The following LRRTM4 variants were observed in gnomAD, a reference collection of about 807,000 sequenced individuals.
The protein encoded by LRRTM4 is leucine-rich repeat transmembrane neuronal protein 4.
Under a neutral mutation model 47.6 loss-of-function variants are expected in LRRTM4, and 25 were observed. The ratio of observed to expected loss-of-function variants is 0.53; its 90% CI spans 0.38 to 0.73. The LOEUF is 0.73. Among genes scored for constraint, LRRTM4 ranks in the 30% least tolerant of loss-of-function variants. The probability of loss-of-function intolerance (pLI) is 0.00; values close to 1 mark genes in which losing one functional copy is unlikely to be tolerated. For synonymous variants in LRRTM4, 311 were observed against 269.5 expected (o/e 1.15, Z -1.51); for missense variants, 638 against 713.4 (o/e 0.89, Z 1.20).
At chr2:77,067,745 C>T (rs1479654857) in intron 3 of LRRTM4, among the ~76,000 whole-genome samples, 3 of 143,092 alleles carry the variant, frequency 2.1e-5, no homozygotes, top group South Asian at 2.2e-4. Flanking sequence ...ATGAAGAAAA[C>T]GGAAGTCACA....
At chr2:76,811,187 G>A (rs1670721290) in intron 3 of LRRTM4, among the ~76,000 whole-genome samples, 1 of 152,116 alleles carries the variant, frequency 6.6e-6, no homozygotes, top group Non-Finnish European at 1.5e-5. Flanking sequence ...TGCTGCAAAA[G>A]GTTATTACTA....
At chr2:76,758,973 TACAA>T (rs1287381196) in intron 3 of LRRTM4, among the ~76,000 whole-genome samples, 1 of 152,190 alleles carries the variant, frequency 6.6e-6, no homozygotes, top group East Asian at 1.9e-4. Flanking sequence ...CATAAAACTT[TACAA>T]ACAGTGACTT....
At chr2:77,082,663 C>G (rs535323196) in intron 3 of LRRTM4, among the ~76,000 whole-genome samples, 1 of 148,970 alleles carries the variant, frequency 6.7e-6, no homozygotes, top group African/African-American at 2.5e-5. Context: ...GAATTTATCT[C>G]GCTAGTTAAA....
At chr2:77,114,650 G>A (rs1199116668) in intron 3 of LRRTM4, among the ~76,000 whole-genome samples, 2 of 152,052 alleles carry the variant, frequency 1.3e-5, no homozygotes, top group Non-Finnish European at 2.9e-5. Flanking sequence ...CCTAAGTGTC[G>A]GCCAGTCTGA....
intron 3 of LRRTM4, among the ~76,000 whole-genome samples, chr2:76,850,571 C>T (rs2103970106): frequency 6.6e-6 from 1 of 152,100 alleles, no homozygotes; most frequent in East Asian, 1.9e-4. Flanking sequence ...GATATAAGAG[C>T]GATTGAGAAA....
intron 3 of LRRTM4, among the ~76,000 whole-genome samples, chr2:77,447,795 C>T (rs2103944553): frequency 6.6e-6 from 1 of 152,188 alleles, no homozygotes; most frequent in East Asian, 1.9e-4. Flanking sequence ...TTTTTCAGAA[C>T]ACATATGGCA....
chr2:77,117,391 T>C (rs1671415842), intron 3 of LRRTM4, among the ~76,000 whole-genome samples: 1 of 151,992 alleles, frequency 6.6e-6, no homozygotes, highest in African/African-American at 2.4e-5. Context: ...TATGAATATA[T>C]GGTATATACC....
At chr2:76,976,426 C>G (rs1449882893) in intron 3 of LRRTM4, among the ~76,000 whole-genome samples, 1 of 151,128 alleles carries the variant, frequency 6.6e-6, no homozygotes, top group Non-Finnish European at 1.5e-5. Context: ...AAAAATAAAC[C>G]AAAACCACAT....
In LRRTM4 at chr2:77,444,958, C is replaced by CACACACACAA. The variant is rs1553445536; in HGVS notation, c.1551+73359_1551+73360insTTGTGTGTGT. Among the ~76,000 whole-genome samples, 372 of 143,914 alleles carry CACACACACAA rather than the reference C, an allele frequency of 2.6e-3. 1 individual carries two copies. Among genetic ancestry groups the CACACACACAA allele is most frequent in the African/African-American group, 9.7e-3 (368 of 37,866 alleles). The allele number at this position is 143,914 out of a possible 152,430, so 94.4% of individuals were successfully genotyped here. On this transcript the variant is annotated intron_variant, in intron 3 of 3. Coordinates refer to ENST00000409884, the MANE Select transcript of LRRTM4 (RefSeq NM_001134745.3). ...ACACACACACACACACATACACACACACACACACACACGATCCGGAAAAAA... is the reference window on the plus strand; with the variant it reads ...ACACACACACACACACATACACACACACACACACAAACACACACACACGATCCGGAAAAAA...
chr2:77,219,958 G>C lies in LRRTM4; in HGVS notation c.1551+298360C>G, dbSNP rs557960290. Among the ~76,000 whole-genome samples the C allele has an allele frequency of 5.9e-5, 9 of 152,294 alleles. No homozygotes were observed. In the South Asian group the frequency reaches 1.9e-3, roughly 32 times the overall value. ...TAGCCTAACTGGGAGGCACCCCCCA[G>C]TAGGGGTGGACTGACATTTCACACG... On this transcript the variant is annotated intron_variant, in intron 3 of 3. Coordinates refer to ENST00000409884, the MANE Select transcript of LRRTM4 (RefSeq NM_001134745.3).
chr2:76,933,229 T>C (rs1039014191), intron 3 of LRRTM4, among the ~76,000 whole-genome samples: 13 of 152,042 alleles, frequency 8.6e-5, no homozygotes, highest in South Asian at 2.1e-4. Context: ...TCAATGAAAA[T>C]TGTTTCTAAA....
intron 3 of LRRTM4, among the ~76,000 whole-genome samples, chr2:77,110,035 G>A (rs1037625930): frequency 6.6e-6 from 1 of 151,952 alleles, no homozygotes; most frequent in Non-Finnish European, 1.5e-5. Flanking sequence ...AGAATACAAG[G>A]AAGAGAAAAA....
At chr2:76,763,912 T>C (rs1403311306) in intron 3 of LRRTM4, among the ~76,000 whole-genome samples, 8 of 152,174 alleles carry the variant, frequency 5.3e-5, no homozygotes, top group Admixed American at 5.2e-4. Context: ...TTAGAGAAGA[T>C]ATAAACAATC....
At chr2:76,852,805 T>A (rs1284338631) in intron 3 of LRRTM4, among the ~76,000 whole-genome samples, 2 of 152,124 alleles carry the variant, frequency 1.3e-5, no homozygotes, top group African/African-American at 4.8e-5. Context: ...GGACTAAACT[T>A]GACTTAAATA....
chr2:76,759,865 C>T (rs933619497), intron 3 of LRRTM4, among the ~76,000 whole-genome samples: 1 of 152,114 alleles, frequency 6.6e-6, no homozygotes, highest in African/African-American at 2.4e-5. Context: ...CGCTGATTCA[C>T]ATATGTAAAC....
rs192283917 is a variant in LRRTM4 at position 77,007,212 on chromosome 2, G to C, written c.1552-258296C>G. Among the ~76,000 whole-genome samples, 16 of 152,012 alleles carry C rather than the reference G, an allele frequency of 1.1e-4. No individual in the cohort carries two copies. In the East Asian group the frequency reaches 1.9e-3, roughly 18 times the overall value. ...TATATATATGCACACACAAGATGAA[G>C]TGTGGGCACATTTGCAATTCTGTTA... On this transcript the variant is annotated intron_variant, in intron 3 of 3. Coordinates refer to ENST00000409884, the MANE Select transcript of LRRTM4 (RefSeq NM_001134745.3).
At chr2:77,204,004 A>G (rs1019888978) in intron 3 of LRRTM4, among the ~76,000 whole-genome samples, 1 of 152,154 alleles carries the variant, frequency 6.6e-6, no homozygotes, top group Non-Finnish European at 1.5e-5. Flanking sequence ...GTCTGTTGCC[A>G]TTATCTGAAA....
intron 3 of LRRTM4, among the ~76,000 whole-genome samples, chr2:76,873,490 GTGTATATATATGTGTGTATATATATATA>G (rs1352744579): frequency 8.7e-6 from 1 of 114,946 alleles, no homozygotes; most frequent in Non-Finnish European, 1.8e-5. Context: ...ATATGTGTGT[GTGTATATATATGTGTGTATATATATATA>G]TATATATATA....
chr2:77,377,327 A>C (rs965387515), intron 3 of LRRTM4, among the ~76,000 whole-genome samples: 1 of 151,992 alleles, frequency 6.6e-6, no homozygotes, highest in African/African-American at 2.4e-5. Context: ...TTTATATTAC[A>C]TTAGCTCACT....
Sources: gnomAD v4.1 joint callset for allele counts (sites outside exome capture counted in the v4.1 genomes callset) on GRCh38, gnomAD v4.1.1 for gene constraint, MANE v1.5 for transcripts, NCBI Gene and HGNC (gene_info 2026-07-23, HGNC 2026-07-21) for gene names.